The following TRIQK variants were observed in gnomAD, a reference collection of about 807,000 sequenced individuals.
The protein encoded by TRIQK is triple QxxK/R motif-containing protein.
In TRIQK, 10 loss-of-function variants were observed where a neutral mutation model predicts 10.8. That is an observed-to-expected ratio of 0.92 (90% CI 0.57 to 1.57). TRIQK has a LOEUF of 1.57. TRIQK is among the 40% of genes most tolerant of loss of function. The pLI is 0.00. For missense variants in TRIQK, 107 were observed against 97.7 expected (o/e 1.09, Z -0.40); for synonymous variants, 33 against 33.7 (o/e 0.98, Z 0.07).
intron 3 of TRIQK, among the ~76,000 whole-genome samples, chr8:92,894,011 A>G (rs1816887922): frequency 6.6e-6 from 1 of 152,100 alleles, no homozygotes; most frequent in Admixed American, 6.6e-5. Context: ...ACTCTACTTC[A>G]ACTGCCATAT....
intron 3 of TRIQK, among the ~76,000 whole-genome samples, chr8:92,915,592 C>T (rs1413495616): frequency 6.6e-6 from 1 of 151,594 alleles, no homozygotes; most frequent in East Asian, 1.9e-4. Flanking sequence ...CCCGGGTTCA[C>T]GCCATTCTCC....
At chr8:92,982,492 T>A (rs77741747) in intron 1 of TRIQK, among the ~76,000 whole-genome samples, 3,016 of 152,126 alleles carry the variant, frequency 0.02, 105 homozygotes, top group African/African-American at 0.068. Flanking sequence ...AACCTGACAT[T>A]TACTGAATTA....
chr8:92,936,001 C>A (rs1248260599), intron 2 of TRIQK, among the ~76,000 whole-genome samples: 1 of 151,468 alleles, frequency 6.6e-6, no homozygotes, highest in Non-Finnish European at 1.5e-5. Flanking sequence ...AAATGGTCAA[C>A]AAGGAAGTTT....
intron 1 of TRIQK, among the ~76,000 whole-genome samples, chr8:92,983,903 G>GA (rs1813008466): frequency 6.6e-6 from 1 of 152,030 alleles, no homozygotes; most frequent in South Asian, 2.1e-4. Flanking sequence ...AATGGTTTGG[G>GA]ATTTGCTAAT....
At chr8:92,978,819 T>C (rs1218569832) in intron 1 of TRIQK, among the ~76,000 whole-genome samples, 2 of 152,150 alleles carry the variant, frequency 1.3e-5, no homozygotes, top group Non-Finnish European at 2.9e-5. Flanking sequence ...TTTTCCAACT[T>C]GAGTGAGCTC....
Position 93,005,652 on chromosome 8 carries a change from G to C in TRIQK, c.-181+11957C>G, listed in dbSNP as rs75158899. On this transcript the variant is annotated intron_variant, in intron 1 of 4. Transcript: ENST00000520686. ...TCAACAAATTAGGTATAGAAGGTAC[G>C]TACCTCAGCATCATAAAGGCATAAT... Among the ~76,000 whole-genome samples, 18 of 152,234 alleles carry C rather than the reference G, an allele frequency of 1.2e-4. No homozygotes were observed. In the East Asian group the frequency reaches 3.3e-3, roughly 28 times the overall value.
At chr8:92,955,911 G>C (rs1215793795) in intron 1 of TRIQK, among the ~76,000 whole-genome samples, 1 of 151,566 alleles carries the variant, frequency 6.6e-6, no homozygotes, top group Non-Finnish European at 1.5e-5. Context: ...TTAAAAAAAT[G>C]CAAGTGGAGA....
intron 3 of TRIQK, among the ~76,000 whole-genome samples, chr8:92,904,483 G>A (rs2130368114): frequency 6.6e-6 from 1 of 152,198 alleles, no homozygotes; most frequent in South Asian, 2.1e-4. Flanking sequence ...GAAACCAACT[G>A]AGTACTACTG....
intron 1 of TRIQK, among the ~76,000 whole-genome samples, chr8:92,962,383 T>C (rs936543235): frequency 1.3e-5 from 2 of 152,158 alleles, no homozygotes; most frequent in Non-Finnish European, 2.9e-5. Context: ...CGTTTCTACA[T>C]AGAAGAATGT....
intron 3 of TRIQK, among the ~76,000 whole-genome samples, chr8:92,908,885 T>C (rs2130399981): frequency 6.6e-6 from 1 of 152,168 alleles, no homozygotes; most frequent in Non-Finnish European, 1.5e-5. Flanking sequence ...TTATATTTCC[T>C]TCAACATTTT....
intron 4 of TRIQK, chr8:92,886,970 G>T: frequency 3.7e-6 from 1 of 272,672 alleles, no homozygotes; most frequent in Non-Finnish European, 6.8e-6. Flanking sequence ...ATTATTTCTA[G>T]CTAATTTGTT....
At chr8:92,889,332 T>C (rs1370636145) in intron 4 of TRIQK, among the ~76,000 whole-genome samples, 1 of 151,682 alleles carries the variant, frequency 6.6e-6, no homozygotes, top group African/African-American at 2.4e-5. Context: ...GTATAAGCTC[T>C]TCCAAGATGA....
rs547950896 is a variant in TRIQK at position 92,972,295 on chromosome 8, T to G, written c.-180-17731A>C. ...ATGAAGGGTATAAGTCTATCATTTTTCTTTGTATTTTTTATTTTTCATTTT... is the reference window on the plus strand; with the variant it reads ...ATGAAGGGTATAAGTCTATCATTTTGCTTTGTATTTTTTATTTTTCATTTT... On this transcript the variant is annotated intron_variant, in intron 1 of 4. Coordinates refer to the TRIQK transcript ENST00000520686. Among the ~76,000 whole-genome samples the G allele has an allele frequency of 2.0e-5, 3 of 152,298 alleles. No individual in the cohort carries two copies. The East Asian group carries it at 5.8e-4, about 29-fold the overall frequency.
chr8:92,949,725 G>GAGGA (rs1811753277), intron 2 of TRIQK, among the ~76,000 whole-genome samples: 2 of 85,382 alleles, frequency 2.3e-5, no homozygotes, highest in Admixed American at 2.6e-4. Flanking sequence ...GGGAGGGAGG[G>GAGGA]AGGAAGGAAG....
chr8:93,012,456 A>C (rs1813344859), intron 1 of TRIQK, among the ~76,000 whole-genome samples: 1 of 152,170 alleles, frequency 6.6e-6, no homozygotes, highest in Non-Finnish European at 1.5e-5. Context: ...CAGAAAAGCC[A>C]ACTCTTCATT....
At chr8:93,006,638 C>A (rs753598548) in intron 1 of TRIQK, among the ~76,000 whole-genome samples, 7 of 152,202 alleles carry the variant, frequency 4.6e-5, no homozygotes, top group Non-Finnish European at 7.3e-5. Flanking sequence ...GCCATCACTG[C>A]AGCTCCAGTC....
intron 1 of TRIQK, among the ~76,000 whole-genome samples, chr8:92,962,159 T>A (rs2130714618): frequency 6.6e-6 from 1 of 152,316 alleles, no homozygotes; most frequent in Admixed American, 6.5e-5. Context: ...ATGATCCTTA[T>A]CTGTTTAATA....
At chr8:92,917,767 A>G (rs879607510) in intron 2 of TRIQK, among the ~76,000 whole-genome samples, 20 of 152,078 alleles carry the variant, frequency 1.3e-4, no homozygotes, top group Non-Finnish European at 2.4e-4. Flanking sequence ...ATTTAGAAAT[A>G]CATAATAAAT....
chr8:93,002,046 T>A (rs1224955070), intron 1 of TRIQK, among the ~76,000 whole-genome samples: 3 of 151,590 alleles, frequency 2.0e-5, no homozygotes, highest in Non-Finnish European at 2.9e-5. Context: ...GAAGAAATTC[T>A]AAAAAAAATT....
Sources: allele counts gnomAD v4.1 joint callset (sites outside exome capture counted in the v4.1 genomes callset), GRCh38; gene constraint gnomAD v4.1.1; transcripts MANE v1.5; gene names NCBI Gene and HGNC (gene_info 2026-07-23, HGNC 2026-07-21).